Variants in PALM observed in about 807,000 individuals in gnomAD.
PALM encodes the protein paralemmin-1.
In PALM, 18 loss-of-function variants were observed where a neutral mutation model predicts 30.7. The ratio of observed to expected loss-of-function variants is 0.59; its 90% CI spans 0.41 to 0.87. The LOEUF is 0.87. PALM is among the 40% of genes least tolerant of loss of function. PALM has a pLI of 0.00. For synonymous variants in PALM, 286 were observed against 242.8 expected, an observed-to-expected ratio of 1.18 and a Z score of -1.66; for missense variants, 529 against 555.4, an observed-to-expected ratio of 0.95 and a Z score of 0.48.
chr19:738,727 G>A lies in PALM; in HGVS notation c.503-1625G>A, dbSNP rs111495502. 5.9e-5 allele frequency among the ~76,000 whole-genome samples: 9 copies of A among 152,290 alleles called. No individual in the cohort carries two copies. In the South Asian group the frequency reaches 1.7e-3, roughly 28 times the overall value. On this transcript the variant is annotated intron_variant, in intron 7 of 8. Transcript: ENST00000338448. Reference sequence around the variant, plus strand: ...AGCCGAGTGCCTGGGCGAGGTCCCCGGCGCAGAGCAGAGTCCAGGGCCGCA... The same window carrying A: ...AGCCGAGTGCCTGGGCGAGGTCCCCAGCGCAGAGCAGAGTCCAGGGCCGCA...
chr19:734,831 G>A (rs1036977514), intron 6 of PALM: 3 of 158,500 alleles, frequency 1.9e-5, no homozygotes, highest in Non-Finnish European at 4.1e-5. Context: ...GACCCTGTCT[G>A]TAAACTGCAT....
chr19:740,380 G>A lies in PALM; in HGVS notation c.531G>A (p.Glu177=), dbSNP rs937445711. The change falls in exon 8 of 9, where the codon GAG becomes GAA. Residue 177 remains glutamate, a synonymous_variant. Transcript: ENST00000338448. ...AAMYSVEITV[E]KDKVTGETRV... is the part of the protein sequence containing the mutation. ...TGTACTCGGTTGAGATCACTGTGGAGAAGGACAAGGTGACAGGGGAGACCA... is the reference window on the plus strand; with the variant it reads ...TGTACTCGGTTGAGATCACTGTGGAAAAGGACAAGGTGACAGGGGAGACCA... 1.9e-6 allele frequency: 3 copies of A among 1,564,204 alleles called. No homozygotes were observed. The highest frequency in any genetic ancestry group is 2.6e-6 in the Non-Finnish European group (3 of 1,154,026).
intron 8 of PALM, among the ~76,000 whole-genome samples, chr19:741,301 A>G (rs977482190): frequency 2.0e-5 from 3 of 151,920 alleles, no homozygotes; most frequent in African/African-American, 7.3e-5. Flanking sequence ...GTGCATGGGA[A>G]CCACACCTGG....
At chr19:719,441 G>C (rs2032381307) in intron 1 of PALM, 1 of 985,252 alleles carries the variant, frequency 1.0e-6, no homozygotes, top group South Asian at 4.7e-5. Context: ...AAAGCATCGC[G>C]GGGACGGGAG....
intron 5 of PALM, among the ~76,000 whole-genome samples, chr19:733,636 C>T (rs2032936091): frequency 6.6e-6 from 1 of 152,178 alleles, no homozygotes; most frequent in Admixed American, 6.5e-5. Flanking sequence ...GAGGAGCCGG[C>T]TGGATTCAGG....
intron 3 of PALM, 61 bp from the exon 4 acceptor site, chr19:727,502 CT>C: frequency 7.2e-7 from 1 of 1,380,664 alleles, no homozygotes; most frequent in Non-Finnish European, 1.0e-6. Context: ...TGACCTCAGT[CT>C]TAAGTCTTAA....
intron 1 of PALM, chr19:722,714 C>T (rs1237859349): frequency 1.3e-5 from 2 of 152,280 alleles, no homozygotes; most frequent in African/African-American, 4.8e-5. Context: ...CTGCATCACC[C>T]GTTGCTGGGG....
At position 742,562 on chromosome 19, in the gene PALM, G is replaced by A. The variant is rs960335689; in HGVS notation, c.634+2079G>A. On this transcript the variant is annotated intron_variant, in intron 8 of 8. Transcript: ENST00000338448. This position sits in a 1 kb window ranked among gnomAD's most constrained non-coding sequence, Gnocchi z 5.5. The stretch of plus-strand genomic sequence containing the variant: ...GGAGGTTGCAGTGAGCCGAGATCGC[G>A]CCACTGCTCTCCAGCCTGTGCGACA... 3.3e-5 allele frequency among the ~76,000 whole-genome samples: 5 copies of A among 150,976 alleles called. No individual in the cohort carries two copies. Among genetic ancestry groups the A allele is most frequent in the East Asian group, 1.9e-4 (1 of 5,144 alleles).
chr19:710,707 C>T (rs1190727755), intron 1 of PALM, among the ~76,000 whole-genome samples: 1 of 143,126 alleles, frequency 7.0e-6, no homozygotes, highest in Non-Finnish European at 1.5e-5. Flanking sequence ...GGCCTCGGTG[C>T]CTCCTGCTCT....
Position 727,027 on chromosome 19 carries a change from C to A in PALM, c.77C>A (p.Ala26Glu). The change falls in exon 3 of 9, where the codon GCG (alanine) becomes GAG (glutamate). Residue 26 changes from alanine to glutamate, a missense_variant. Coordinates refer to ENST00000338448, the MANE Select transcript of PALM (RefSeq NM_002579.3). ...CCACAGGAGAAGCGGAAGCGGCAGG[C>A]GGAGATCGAGAACAAGCGCCGGCAG... ...QAIAEKRKRQ[A>E]EIENKRRQLE... The A allele has an allele frequency of 7.5e-7, 1 of 1,326,968 alleles. No homozygotes were observed. The highest frequency in any genetic ancestry group is 1.0e-6 in the Non-Finnish European group (1 of 975,956). The allele number at this position is 1,326,968 out of a possible 1,614,324, so 82.2% of individuals were successfully genotyped here. A position where few individuals can be genotyped will look rare whatever the true frequency, so the allele number is the denominator to read the frequency against.
chr19:716,436 G>C (rs925428194), intron 1 of PALM, among the ~76,000 whole-genome samples: 7 of 151,028 alleles, frequency 4.6e-5, no homozygotes, highest in Admixed American at 1.3e-4. Context: ...AGAAAGTTTA[G>C]ATTAGGACCA....
At chr19:735,148 AG>A (rs2144903804) in intron 6 of PALM, 2 of 352,434 alleles carry the variant, frequency 5.7e-6, no homozygotes, top group East Asian at 4.4e-4. Flanking sequence ...CTGGGGGCCC[AG>A]GTGCCTGTGT....
chr19:713,099 C>T (rs1204918451), intron 1 of PALM, among the ~76,000 whole-genome samples: 3 of 152,108 alleles, frequency 2.0e-5, no homozygotes, highest in Admixed American at 1.3e-4. Context: ...CTGGGTGGGC[C>T]GAGCATGCTC....
chr19:740,371 C>A lies in PALM; in HGVS notation c.522C>A (p.Ile174=). The change falls in exon 8 of 9, where the codon ATC becomes ATA. Residue 174 remains isoleucine (I), a synonymous_variant. Coordinates refer to ENST00000338448, the MANE Select transcript of PALM (RefSeq NM_002579.3). ...MMKAAMYSVE[I]TVEKDKVTGE... The stretch of plus-strand genomic sequence containing the variant: ...TGCCAGCCATGTACTCGGTTGAGAT[C>A]ACTGTGGAGAAGGACAAGGTGACAG... 1 of 1,565,962 alleles carries A rather than the reference C, an allele frequency of 6.4e-7. No homozygotes were observed. Among genetic ancestry groups the A allele is most frequent in the South Asian group, 1.2e-5 (1 of 85,000 alleles).
intron 4 of PALM, among the ~76,000 whole-genome samples, chr19:729,709 G>A (rs1013106611): frequency 4.6e-5 from 7 of 151,970 alleles, no homozygotes; most frequent in African/African-American, 1.4e-4. Context: ...TGATCCGCCC[G>A]CCTCTGCCTT....
At chr19:715,406 G>A (rs145151514) in intron 1 of PALM, among the ~76,000 whole-genome samples, 5 of 152,270 alleles carry the variant, frequency 3.3e-5, no homozygotes, top group African/African-American at 7.2e-5. Context: ...CGTGCTGTGC[G>A]GGATCAGCAG....
chr19:731,014 C>A (rs772406282), intron 4 of PALM, 81 bp from the exon 5 acceptor site: 3 of 886,482 alleles, frequency 3.4e-6, no homozygotes, highest in Non-Finnish European at 5.1e-6. Context: ...AAAAAAGACA[C>A]TGGGGAGCTG....
rs58790351 is a variant in PALM, at chr19:746,085, G to C, written c.635-200G>C. On this transcript the variant is annotated intron_variant, in intron 8 of 8. Transcript: ENST00000338448. The surrounding 1 kb of genome is among the most constrained non-coding windows in gnomAD (Gnocchi z 7.1). The stretch of plus-strand genomic sequence containing the variant: ...AAAAAATTTTTTTTCCTCATTGTAC[G>C]GCATTGGCTGCATCCACAGATGCCA... Among the ~76,000 whole-genome samples the C allele has an allele frequency of 1.3e-5, 2 of 152,136 alleles. No individual in the cohort carries two copies. The highest frequency in any genetic ancestry group is 4.8e-5 in the African/African-American group (2 of 41,446).
rs893995885 is a variant in PALM, at chr19:742,605, CAAAAA to C, written c.634+2132_634+2136del. On this transcript the variant is annotated intron_variant, in intron 8 of 8. Coordinates refer to ENST00000338448, the MANE Select transcript of PALM (RefSeq NM_002579.3). The surrounding 1 kb of genome is among the most constrained non-coding windows in gnomAD (Gnocchi z 5.5). ...GTGCGACAAGAGTGAAACTCTGTCTCAAAAAAAAAAAAAAGAAAGAAAAGAGAATA... is the reference window on the plus strand; with the variant it reads ...GTGCGACAAGAGTGAAACTCTGTCTCAAAAAAAAAGAAAGAAAAGAGAATA... 1.7e-5 allele frequency among the ~76,000 whole-genome samples: 1 copy of C among 57,660 alleles called. No homozygotes were observed. Among genetic ancestry groups the C allele is most frequent in the African/African-American group, 5.1e-5 (1 of 19,672 alleles). 37.8% of individuals were successfully genotyped at this position (57,660 alleles called of 152,430 possible).
Sources: gnomAD v4.1 joint callset for allele counts (sites outside exome capture counted in the v4.1 genomes callset) on GRCh38, gnomAD v4.1.1 for gene constraint, Gnocchi (gnomAD v3.1) non-coding constraint, MANE v1.5 for transcripts, NCBI Gene and HGNC (gene_info 2026-07-23, HGNC 2026-07-21) for gene names.